The following PDE1A variants were observed in gnomAD, a reference collection of about 807,000 sequenced individuals.
PDE1A encodes the protein dual specificity calcium/calmodulin-dependent 3',5'-cyclic nucleotide phosphodiesterase 1A.
PDE1A carries 35 observed loss-of-function variants against 61.7 expected under a neutral mutation model. The observed-to-expected ratio is 0.57, with a 90% confidence interval of 0.43 to 0.75. The LOEUF is 0.75. PDE1A is among the 30% of genes least tolerant of loss of function. The pLI, the probability that PDE1A is intolerant of heterozygous loss-of-function variation, is 0.00. For missense variants in PDE1A, 597 were observed against 630.6 expected (o/e 0.95, Z 0.57); for synonymous variants, 232 against 213.2 (o/e 1.09, Z -0.77).
At chr2:182,266,746 T>C (rs1692659818) in intron 1 of PDE1A, among the ~76,000 whole-genome samples, 1 of 151,760 alleles carries the variant, frequency 6.6e-6, no homozygotes, top group Admixed American at 6.6e-5. Context: ...CCGGAAGGAG[T>C]TCTCTTGCTG....
At chr2:182,660,771 C>T in the PDE1A span, among the ~76,000 whole-genome samples, 262 of 152,306 alleles carry the variant, frequency 1.7e-3, no homozygotes, top group African/African-American at 6.0e-3. Context: ...ACAACCTGAA[C>T]GAACTTGTAA....
At chr2:182,468,923 T>C (rs1200333305) in intron 2 of PDE1A, among the ~76,000 whole-genome samples, 1 of 152,012 alleles carries the variant, frequency 6.6e-6, no homozygotes, top group African/African-American at 2.4e-5. Context: ...TCCTTTTCTC[T>C]GAGCAGTAGG....
intron 2 of PDE1A, among the ~76,000 whole-genome samples, chr2:182,462,225 A>G (rs533120329): frequency 1.5e-3 from 229 of 152,220 alleles, no homozygotes; most frequent in Non-Finnish European, 2.6e-3. Context: ...TAATGGGTGC[A>G]GCACACCAAC....
At chr2:182,627,592 T>C in the PDE1A span, among the ~76,000 whole-genome samples, 2 of 151,278 alleles carry the variant, frequency 1.3e-5, no homozygotes, top group African/African-American at 4.9e-5. Context: ...TAATTATGTC[T>C]ATTTGCTGTG....
At chr2:182,500,488 A>AG (rs56864878) in intron 2 of PDE1A, among the ~76,000 whole-genome samples, 6 of 7,396 alleles carry the variant, frequency 8.1e-4, no homozygotes, top group Non-Finnish European at 1.8e-3. Context: ...GAGCTGAGAA[A>AG]AGTTTAATCT....
the PDE1A span, among the ~76,000 whole-genome samples, chr2:182,593,307 A>G: frequency 6.6e-6 from 1 of 152,216 alleles, no homozygotes; most frequent in Non-Finnish European, 1.5e-5. Context: ...AAACTGGGCA[A>G]GTCTGCACTT....
At chr2:182,714,927 T>C in the PDE1A span, among the ~76,000 whole-genome samples, 3 of 152,144 alleles carry the variant, frequency 2.0e-5, no homozygotes, top group Non-Finnish European at 2.9e-5. Context: ...TTTGTATGCT[T>C]TGCATCCTCT....
the PDE1A span, among the ~76,000 whole-genome samples, chr2:182,544,760 C>A: frequency 2.6e-4 from 39 of 152,224 alleles, no homozygotes; most frequent in African/African-American, 9.4e-4. Context: ...GTCTGTTTTT[C>A]TTGATTCTCT....
At chr2:182,555,275 C>T in the PDE1A span, among the ~76,000 whole-genome samples, 1 of 152,228 alleles carries the variant, frequency 6.6e-6, no homozygotes, top group Non-Finnish European at 1.5e-5. Context: ...TTAATTACAT[C>T]ATTCAAACAC....
At chr2:182,311,348 A>T (rs1234545454) in intron 1 of PDE1A, among the ~76,000 whole-genome samples, 4 of 152,234 alleles carry the variant, frequency 2.6e-5, no homozygotes, top group African/African-American at 9.6e-5. Flanking sequence ...TTTAAAAATC[A>T]GGTTCATTGA....
At chr2:182,565,466 G>A in the PDE1A span, among the ~76,000 whole-genome samples, 12 of 152,202 alleles carry the variant, frequency 7.9e-5, no homozygotes, top group Admixed American at 2.6e-4. Context: ...TGCCCCTACT[G>A]GGGGGTGCCT....
the PDE1A span, among the ~76,000 whole-genome samples, chr2:182,564,727 C>A: frequency 1.3e-5 from 2 of 152,128 alleles, no homozygotes; most frequent in Admixed American, 1.3e-4. Context: ...CATAGTCCCA[C>A]ATTTCTTGGA....
the PDE1A span, among the ~76,000 whole-genome samples, chr2:182,614,127 T>C: frequency 6.6e-6 from 1 of 152,250 alleles, no homozygotes; most frequent in Non-Finnish European, 1.5e-5. Context: ...TATGTATATT[T>C]TATTTTCCAA....
chr2:182,701,669 C>T, the PDE1A span, among the ~76,000 whole-genome samples: 5 of 152,016 alleles, frequency 3.3e-5, no homozygotes, highest in African/African-American at 9.7e-5. Context: ...CCACTGTGTC[C>T]GGGCTGGCTT....
chr2:182,565,124 G>C, the PDE1A span, among the ~76,000 whole-genome samples: 1 of 152,168 alleles, frequency 6.6e-6, no homozygotes. Context: ...AGGAGGAGAG[G>C]CGCTCTGCTT....
the PDE1A span, among the ~76,000 whole-genome samples, chr2:182,669,403 C>A: frequency 5.3e-5 from 8 of 152,178 alleles, no homozygotes; most frequent in Admixed American, 1.3e-4. Flanking sequence ...CATCTTTTAA[C>A]AAATATTCCC....
intron 13 of PDE1A, among the ~76,000 whole-genome samples, chr2:182,177,024 C>G (rs1692872619): frequency 6.6e-6 from 1 of 151,020 alleles, no homozygotes; most frequent in African/African-American, 2.4e-5. Flanking sequence ...CCTTGCATCC[C>G]AGGGATGAAG....
chr2:182,407,168 A>C (rs1306284285), intron 1 of PDE1A, among the ~76,000 whole-genome samples: 1 of 152,214 alleles, frequency 6.6e-6, no homozygotes, highest in Non-Finnish European at 1.5e-5. Flanking sequence ...TTTCATAATT[A>C]AATGCTGTTC....
chr2:182,425,192 A>G (rs1331080472), intron 1 of PDE1A, among the ~76,000 whole-genome samples: 1 of 152,190 alleles, frequency 6.6e-6, no homozygotes, highest in Non-Finnish European at 1.5e-5. Context: ...ATTTTATCCA[A>G]CACAACCTTG....
Sources: allele counts gnomAD v4.1 joint callset (sites outside exome capture counted in the v4.1 genomes callset), GRCh38; gene constraint gnomAD v4.1.1; transcripts MANE v1.5; gene names NCBI Gene and HGNC (gene_info 2026-07-23, HGNC 2026-07-21).